MIER1: variants seen among roughly 807,000 people sequenced by gnomAD.
MIER1 encodes the protein mesoderm induction early response protein 1.
In MIER1, 40 loss-of-function variants were observed where a neutral mutation model predicts 75.7. The ratio of observed to expected loss-of-function variants is 0.53; its 90% CI spans 0.41 to 0.69. The LOEUF (loss-of-function observed/expected upper bound fraction) is 0.69, where lower values mean the gene tolerates loss of function less well. Ranked by LOEUF, MIER1 falls within the 30% of genes least tolerant of loss-of-function variation. MIER1 has a pLI of 0.00. For synonymous variants in MIER1, 213 were observed against 223.4 expected, an observed-to-expected ratio of 0.95 and a Z score of 0.42; for missense variants, 574 against 680.2, an observed-to-expected ratio of 0.84 and a Z score of 1.74.
chr1:66,952,245 T>C (rs1659143898), intron 4 of MIER1, among the ~76,000 whole-genome samples: 1 of 152,246 alleles, frequency 6.6e-6, no homozygotes, highest in African/African-American at 2.4e-5. Flanking sequence ...TGTTTCAATT[T>C]AAGTTGAAGT....
At chr1:66,954,953 C>G (rs185423525) in intron 4 of MIER1, among the ~76,000 whole-genome samples, 7 of 152,240 alleles carry the variant, frequency 4.6e-5, no homozygotes, top group East Asian at 1.9e-4. Flanking sequence ...AAGTGTTCTG[C>G]CAGCCTCAGC....
At chr1:66,969,545 C>CAAAAAA (rs35924256) in intron 8 of MIER1, among the ~76,000 whole-genome samples, 9 of 63,538 alleles carry the variant, frequency 1.4e-4, no homozygotes, top group Non-Finnish European at 1.9e-4. Context: ...ACTTCGTCTC[C>CAAAAAA]AAAAAAAAAA....
intron 3 of MIER1, among the ~76,000 whole-genome samples, chr1:66,944,346 A>T (rs1053812959): frequency 1.3e-5 from 2 of 151,784 alleles, no homozygotes; most frequent in Non-Finnish European, 2.9e-5. Context: ...TCATTTGTTT[A>T]TCAGTAAACA....
intron 9 of MIER1, 40 bp downstream of exon 9, chr1:66,970,999 A>G: frequency 2.0e-6 from 3 of 1,530,876 alleles, no homozygotes; most frequent in Non-Finnish European, 2.6e-6. Context: ...TGCCATACAC[A>G]TTTATACATG....
chr1:66,936,371 C>T (rs1466461508), intron 2 of MIER1, among the ~76,000 whole-genome samples: 1 of 151,502 alleles, frequency 6.6e-6, no homozygotes, highest in Non-Finnish European at 1.5e-5. Context: ...AGGCGCCCGC[C>T]ACCAAATTTT....
At chr1:66,929,308 G>GA (rs773188824) in intron 2 of MIER1, among the ~76,000 whole-genome samples, 9 of 152,072 alleles carry the variant, frequency 5.9e-5, no homozygotes, top group Non-Finnish European at 1.0e-4. Context: ...TGAAGATTAG[G>GA]AAAAAAATCC....
At chr1:66,973,058 G>C (rs1013301286) in intron 11 of MIER1, 67 bp downstream of exon 11, 1 of 835,940 alleles carries the variant, frequency 1.2e-6, no homozygotes, top group Admixed American at 2.0e-5. Context: ...GTCATGTATC[G>C]TAATTTGTTA....
At chr1:66,957,594 T>TG (rs1269739846) in intron 4 of MIER1, among the ~76,000 whole-genome samples, 1 of 132,512 alleles carries the variant, frequency 7.5e-6, no homozygotes, top group Non-Finnish European at 1.6e-5. Flanking sequence ...TGTGTTTTTT[T>TG]TTTTTTTTTT....
At chr1:66,936,001 A>G (rs1363536396) in intron 2 of MIER1, among the ~76,000 whole-genome samples, 1 of 152,122 alleles carries the variant, frequency 6.6e-6, no homozygotes, top group African/African-American at 2.4e-5. Flanking sequence ...TGTTTTATAT[A>G]TATATGTCTT....
At chr1:66,958,261 C>G (rs374272516) in intron 5 of MIER1, 41 bp downstream of exon 5, 93 of 1,361,608 alleles carry the variant, frequency 6.8e-5, no homozygotes, top group Middle Eastern at 2.3e-4. Flanking sequence ...AGTCTTTATT[C>G]TTGTTGAAGT....
chr1:66,928,626 T>C (rs1292210326), intron 2 of MIER1, among the ~76,000 whole-genome samples: 1 of 152,178 alleles, frequency 6.6e-6, no homozygotes, highest in Non-Finnish European at 1.5e-5. Context: ...TGAAAACTAT[T>C]TGGATATGAA....
At chr1:66,931,077 A>G (rs1410241042) in intron 2 of MIER1, among the ~76,000 whole-genome samples, 2 of 132,848 alleles carry the variant, frequency 1.5e-5, no homozygotes, top group African/African-American at 2.9e-5. Context: ...CCCCTTTCCA[A>G]ATCAAGGCTA....
chr1:66,968,206 G>A (rs1013497153), intron 8 of MIER1, among the ~76,000 whole-genome samples: 2 of 152,158 alleles, frequency 1.3e-5, no homozygotes, highest in Non-Finnish European at 2.9e-5. Context: ...AGGGATCGCT[G>A]TGGTAAAGGG....
Position 66,985,027 on chromosome 1 carries a change from T to C in MIER1, c.*127T>C, listed in dbSNP as rs1196122405. 4 of 1,398,162 alleles carry C rather than the reference T, an allele frequency of 2.9e-6. No individual in the cohort carries two copies. The African/African-American group carries it at 5.9e-5, about 21-fold the overall frequency. 86.6% of individuals were successfully genotyped at this position (1,398,162 alleles called of 1,614,324 possible). A position where few individuals can be genotyped will look rare whatever the true frequency, so the allele number is the denominator to read the frequency against. On this transcript the variant is annotated 3_prime_UTR_variant, in exon 14 of 14. Coordinates refer to ENST00000401041, the MANE Select transcript of MIER1 (RefSeq NM_001077700.3). ...GAAAATTTGAATTGAGTCTTAACTTTAGGAAATGAGGTTTCATAATTCTGC... is the reference window on the plus strand; with the variant it reads ...GAAAATTTGAATTGAGTCTTAACTTCAGGAAATGAGGTTTCATAATTCTGC...
chr1:66,946,225 G>T lies in MIER1; in HGVS notation c.269G>T (p.Arg90Leu). ...CTGGTTCATGATTTTGATGATGAAC[G>T]AACATTAGAAGAGGAAGAAATGATG... The part of the protein sequence containing the change: ...DMLVHDFDDE[R>L]TLEEEEMMEG... Residue 90 changes from arginine to leucine, a missense_variant, in exon 4 of 14, where the codon CGA (arginine) becomes CTA (leucine). Physicochemically the swap from Arg to Leu is moderately radical, Grantham distance 102. Coordinates refer to ENST00000401041, the MANE Select transcript of MIER1 (RefSeq NM_001077700.3). 1 of 1,611,598 alleles carries T rather than the reference G, an allele frequency of 6.2e-7. No individual in the cohort carries two copies. The highest frequency in any genetic ancestry group is 8.5e-7 in the Non-Finnish European group (1 of 1,179,412).
chr1:66,935,297 A>G (rs753072130), intron 2 of MIER1, among the ~76,000 whole-genome samples: 24 of 152,186 alleles, frequency 1.6e-4, no homozygotes, highest in Non-Finnish European at 2.6e-4. Context: ...CAATTTTATC[A>G]ACTAAATCAT....
intron 2 of MIER1, among the ~76,000 whole-genome samples, chr1:66,937,488 G>A (rs1655186524): frequency 6.6e-6 from 1 of 152,134 alleles, no homozygotes. Context: ...GGTAGGCTGA[G>A]GCAGGAGAAT....
At chr1:66,952,003 A>C (rs1659077314) in intron 4 of MIER1, among the ~76,000 whole-genome samples, 1 of 152,216 alleles carries the variant, frequency 6.6e-6, no homozygotes, top group African/African-American at 2.4e-5. Context: ...TAAACTTCAG[A>C]TGTTATTACA....
chr1:66,944,488 A>G (rs2985824), intron 3 of MIER1, among the ~76,000 whole-genome samples: 117,844 of 150,676 alleles, frequency 0.78, 46,426 homozygotes, highest in East Asian at 0.88. Flanking sequence ...TTTACAGACT[A>G]TGTATGCCCA....
Sources: allele counts gnomAD v4.1 joint callset (sites outside exome capture counted in the v4.1 genomes callset), GRCh38; gene constraint gnomAD v4.1.1; transcripts MANE v1.5; gene names NCBI Gene and HGNC (gene_info 2026-07-23, HGNC 2026-07-21).